Variants in CELSR1 observed in about 807,000 individuals in gnomAD.
CELSR1 encodes cadherin EGF LAG seven-pass G-type receptor 1.
CELSR1 carries 110 observed loss-of-function variants against 249.1 expected under a neutral mutation model. That is an observed-to-expected ratio of 0.44 (90% confidence interval 0.38 to 0.52). The LOEUF is 0.52. Ranked by LOEUF, CELSR1 falls within the 20% of genes least tolerant of loss-of-function variation. CELSR1 has a pLI of 0.00. For missense variants in CELSR1, 4,109 were observed against 4,296.4 expected, an observed-to-expected ratio of 0.96 and a Z score of 1.22; for synonymous variants, 2,113 against 1,900.0, an observed-to-expected ratio of 1.11 and a Z score of -2.92.
chr22:46,361,365 T>C lies in CELSR1; in HGVS notation c.*1858A>G, dbSNP rs1241691013. The C allele has an allele frequency of 6.6e-6, 1 of 152,482 alleles. No individual in the cohort carries two copies. The highest frequency in any genetic ancestry group is 6.5e-5 in the Admixed American group (1 of 15,282). 9.4% of individuals were successfully genotyped at this position (152,482 alleles called of 1,614,324 possible). On this transcript the variant is annotated 3_prime_UTR_variant, in exon 35 of 35. Coordinates refer to ENST00000674500, the MANE Select transcript of CELSR1 (RefSeq NM_001378328.1). ...GACAGTTGTTTTTTGGTAACAGTTC[T>C]GATCAAATTAAAAATTACACCTCGT...
At chr22:46,469,806 A>G (rs5767211) in intron 1 of CELSR1, among the ~76,000 whole-genome samples, 70,991 of 148,186 alleles carry the variant, frequency 0.48, 17,207 homozygotes, top group African/African-American at 0.54. Context: ...GAACCACCGC[A>G]CCCGGCCTAG....
At chr22:46,425,899 A>C (rs1293135682) in intron 5 of CELSR1, among the ~76,000 whole-genome samples, 1 of 152,194 alleles carries the variant, frequency 6.6e-6, no homozygotes, top group Admixed American at 6.5e-5. Flanking sequence ...TTCTAATGTA[A>C]GTATTTAGTG....
chr22:46,440,521 T>C lies in CELSR1; in HGVS notation c.4184-1110A>G, dbSNP rs2147475963. 6.6e-6 allele frequency among the ~76,000 whole-genome samples: 1 copy of C among 152,298 alleles called. No homozygotes were observed. Among genetic ancestry groups the C allele is most frequent in the Non-Finnish European group, 1.5e-5 (1 of 68,026 alleles). ...GCCAGTATGATCAATCTTTAAAATA[T>C]TTTGCATCTCTGACAAATGGATCTC... On this transcript the variant is annotated intron_variant, in intron 2 of 34. Coordinates refer to ENST00000674500, the MANE Select transcript of CELSR1 (RefSeq NM_001378328.1). This position sits in a 1 kb window ranked among gnomAD's most constrained non-coding sequence, Gnocchi z 4.7.
At chr22:46,425,680 GT>G (rs1192400000) in intron 5 of CELSR1, among the ~76,000 whole-genome samples, 2 of 148,528 alleles carry the variant, frequency 1.3e-5, no homozygotes, top group East Asian at 2.0e-4. Flanking sequence ...CACGCTAGAA[GT>G]TTTCCCCCGC....
At chr22:46,383,648 T>C (rs1602053604) in intron 20 of CELSR1, among the ~76,000 whole-genome samples, 1 of 152,234 alleles carries the variant, frequency 6.6e-6, no homozygotes, top group African/African-American at 2.4e-5. Flanking sequence ...CGCCTCAGCC[T>C]CCTGAGTAGG....
At chr22:46,486,787 G>A (rs1232552921) in intron 1 of CELSR1, among the ~76,000 whole-genome samples, 1 of 152,066 alleles carries the variant, frequency 6.6e-6, no homozygotes, top group African/African-American at 2.4e-5. Flanking sequence ...AGGTTGCAGT[G>A]AGCGGAGATC....
rs2079637263 is a variant in CELSR1, at chr22:46,434,654, T to C, written c.4523-1173A>G. On this transcript the variant is annotated intron_variant, in intron 4 of 34. Coordinates refer to ENST00000674500, the MANE Select transcript of CELSR1 (RefSeq NM_001378328.1). The surrounding 1 kb of genome is among the most constrained non-coding windows in gnomAD (Gnocchi z 4.9). ...AGACGGAAGCAGCTCTGAGCCATCT[T>C]GGTGAACTTCCAGGTGAAGGAGGAG... Among the ~76,000 whole-genome samples the C allele has an allele frequency of 6.6e-6, 1 of 152,162 alleles. No homozygotes were observed. The highest frequency in any genetic ancestry group is 6.5e-5 in the Admixed American group (1 of 15,280).
rs898350338 is a variant in CELSR1 at position 46,537,140 on chromosome 22, C to A, written c.31G>T (p.Val11Leu). 9.7e-7 allele frequency: 1 copy of A among 1,029,570 alleles called. No individual in the cohort carries two copies. The allele number at this position is 1,029,570 out of a possible 1,614,324, so 63.8% of individuals were successfully genotyped here. A position where few individuals can be genotyped will look rare whatever the true frequency, so the allele number is the denominator to read the frequency against. ...GCGGCGGCGGCCAGGAGCAGCAGCACGGGCAGCACGGGCGGCGGCGGCGGC... is the reference window on the plus strand; with the variant it reads ...GCGGCGGCGGCCAGGAGCAGCAGCAAGGGCAGCACGGGCGGCGGCGGCGGC... MAPPPPPVLP[V>L]LLLLAAAAAL... The change falls in exon 1 of 35, where the codon GTG (valine) becomes TTG (leucine). Residue 11 changes from valine (V) to leucine (L), a missense_variant. Coordinates refer to ENST00000674500, the MANE Select transcript of CELSR1 (RefSeq NM_001378328.1). This position sits in a 1 kb window ranked among gnomAD's most constrained non-coding sequence, Gnocchi z 5.8.
At chr22:46,375,486 C>A (rs191897637) in intron 24 of CELSR1, among the ~76,000 whole-genome samples, 1 of 151,746 alleles carries the variant, frequency 6.6e-6, no homozygotes, top group Non-Finnish European at 1.5e-5. Context: ...CCCAGGCCTG[C>A]GCATTATCAG....
At chr22:46,415,144 T>C (rs6007900) in intron 5 of CELSR1, among the ~76,000 whole-genome samples, 3,982 of 152,240 alleles carry the variant, frequency 0.026, 163 homozygotes, top group African/African-American at 0.089. Flanking sequence ...GCTAATGGTA[T>C]GGGGTGATGA....
In CELSR1 at chr22:46,390,567, T is replaced by C; in HGVS notation, c.6251-81A>G. On this transcript the variant is annotated intron_variant, in intron 16 of 34. Transcript: ENST00000674500. The surrounding 1 kb of genome is among the most constrained non-coding windows in gnomAD (Gnocchi z 6.3). ...TGTGTATTTCAATCCACAATCTGAA[T>C]ATACTTAAACCCAGAACACTGCGTG... The C allele has an allele frequency of 1.7e-6, 2 of 1,178,050 alleles. No homozygotes were observed. Among genetic ancestry groups the C allele is most frequent in the African/African-American group, 1.5e-5 (1 of 65,986 alleles). The allele number at this position is 1,178,050 out of a possible 1,614,324, so 73.0% of individuals were successfully genotyped here.
In CELSR1 at chr22:46,423,337, G is replaced by C. The variant is rs889585011; in HGVS notation, c.4611+10056C>G. 6.6e-6 allele frequency among the ~76,000 whole-genome samples: 1 copy of C among 152,050 alleles called. No homozygotes were observed. Among genetic ancestry groups the C allele is most frequent in the Non-Finnish European group, 1.5e-5 (1 of 68,010 alleles). ...TCAAGACTCCATGCTGGCCAGGCGC[G>C]GTGGCTCACGCCTGTAATCCCAGCA... On this transcript the variant is annotated intron_variant, in intron 5 of 34. Transcript: ENST00000674500. This position sits in a 1 kb window ranked among gnomAD's most constrained non-coding sequence, Gnocchi z 5.6.
At chr22:46,371,821 TCTCCATCC>T (rs1285323265) in intron 25 of CELSR1, among the ~76,000 whole-genome samples, 2 of 124,800 alleles carry the variant, frequency 1.6e-5, no homozygotes, top group South Asian at 2.8e-4. Flanking sequence ...CTCACTCATC[TCTCCATCC>T]CTCCATCCAT....
In CELSR1 at chr22:46,398,635, G is replaced by C. The variant is rs1416520571; in HGVS notation, c.5415C>G (p.Asn1805Lys). The C allele has an allele frequency of 1.9e-6, 3 of 1,611,414 alleles. No homozygotes were observed. The highest frequency in any genetic ancestry group is 2.5e-6 in the Non-Finnish European group (3 of 1,178,978). ...TMTLDYGMDQ[N>K]KADIGGMLPG... ...GAAGCATGCCCCCGATATCTGCCTT[G>C]TTCTGTGCGGAGAGAGGGGCCGGGG... Residue 1805 changes from asparagine to lysine, a missense_variant and splice_region_variant, in exon 11 of 35, where the codon AAC becomes AAG. Around this residue, in one of 7 missense-constraint regions of CELSR1, gnomAD observed 1,805 missense variants for 1,831.6 expected, o/e 0.99. Coordinates refer to ENST00000674500, the MANE Select transcript of CELSR1 (RefSeq NM_001378328.1). The surrounding 1 kb of genome is among the most constrained non-coding windows in gnomAD (Gnocchi z 7.2).
rs989003965 is a variant in CELSR1, at chr22:46,409,275, A to G, written c.5060-113T>C. 4 of 1,111,392 alleles carry G rather than the reference A, an allele frequency of 3.6e-6. No individual in the cohort carries two copies. Among genetic ancestry groups the G allele is most frequent in the Non-Finnish European group, 5.1e-6 (4 of 787,328 alleles). 68.8% of individuals were successfully genotyped at this position (1,111,392 alleles called of 1,614,324 possible). ...GCTAGGCCTGGGCCTTTTTCACTTT[A>G]ACACGAAGGTGGGTCTGAGCCTCCC... On this transcript the variant is annotated intron_variant, in intron 8 of 34. Coordinates refer to ENST00000674500, the MANE Select transcript of CELSR1 (RefSeq NM_001378328.1). The surrounding 1 kb of genome is among the most constrained non-coding windows in gnomAD (Gnocchi z 9.8).
chr22:46,391,471 A>G lies in CELSR1; in HGVS notation c.6148+162T>C, dbSNP rs573342052. 1.6e-4 allele frequency among the ~76,000 whole-genome samples: 24 copies of G among 151,052 alleles called. No homozygotes were observed. The highest frequency in any genetic ancestry group is 2.9e-4 in the Non-Finnish European group (20 of 67,802). On this transcript the variant is annotated intron_variant, in intron 15 of 34. Coordinates refer to ENST00000674500, the MANE Select transcript of CELSR1 (RefSeq NM_001378328.1). This position sits in a 1 kb window ranked among gnomAD's most constrained non-coding sequence, Gnocchi z 4.3. The stretch of plus-strand genomic sequence containing the variant: ...GAGGGGTGACCAGGCTCTGACCCAC[A>G]CCCCCTCACGCAGAACCAGGTTTCT...
At chr22:46,419,242 G>A (rs149491925) in intron 5 of CELSR1, among the ~76,000 whole-genome samples, 10 of 152,174 alleles carry the variant, frequency 6.6e-5, no homozygotes, top group African/African-American at 2.4e-4. Flanking sequence ...TCAGAGGGGG[G>A]TCTTCTTGCC....
chr22:46,501,685 C>A (rs942300162), intron 1 of CELSR1, among the ~76,000 whole-genome samples: 1 of 152,182 alleles, frequency 6.6e-6, no homozygotes, highest in African/African-American at 2.4e-5. Flanking sequence ...CAACAAAGAT[C>A]TGAAATGTTA....
In CELSR1 at chr22:46,407,810, G is replaced by A. The variant is rs1569141011; in HGVS notation, c.5226+1186C>T. On this transcript the variant is annotated intron_variant, in intron 9 of 34. Coordinates refer to ENST00000674500, the MANE Select transcript of CELSR1 (RefSeq NM_001378328.1). This position sits in a 1 kb window ranked among gnomAD's most constrained non-coding sequence, Gnocchi z 4.8. ...AGACATAAAGGGAGCTTTTTAGGAG[G>A]GAGAATTGCCCAGTGAGTTTTCAGA... Among the ~76,000 whole-genome samples, 3 of 152,214 alleles carry A rather than the reference G, an allele frequency of 2.0e-5. No individual in the cohort carries two copies. The highest frequency in any genetic ancestry group is 2.9e-5 in the Non-Finnish European group (2 of 68,036).
Sources: gnomAD v4.1 joint callset for allele counts (sites outside exome capture counted in the v4.1 genomes callset) on GRCh38, gnomAD v4.1.1 for gene constraint, gnomAD v4.1.1 regional missense constraint, Gnocchi (gnomAD v3.1) non-coding constraint, MANE v1.5 for transcripts, NCBI Gene and HGNC (gene_info 2026-07-23, HGNC 2026-07-21) for gene names.